Variants in SCAI observed in about 807,000 individuals in gnomAD.
SCAI encodes the protein suppressor of cancer cell invasion.
Under a neutral mutation model 92.2 loss-of-function variants are expected in SCAI, and 24 were observed. That is an observed-to-expected ratio of 0.26 (90% CI 0.19 to 0.37). SCAI has a LOEUF of 0.37. SCAI is among the 10% of genes least tolerant of loss of function. The pLI is 1.00. For synonymous variants in SCAI, 261 were observed against 258.6 expected (o/e 1.01, Z -0.09); for missense variants, 450 against 736.2 (o/e 0.61, Z 4.50).
intron 6 of SCAI, among the ~76,000 whole-genome samples, chr9:125,021,166 A>G (rs1832863383): frequency 6.6e-6 from 1 of 152,236 alleles, no homozygotes; most frequent in Admixed American, 6.5e-5. Context: ...TTGTGCCCAC[A>G]GGACTAGATC....
In SCAI at chr9:125,059,402, C is replaced by T. The variant is rs1016649019; in HGVS notation, c.99-3395G>A. On this transcript the variant is annotated intron_variant, in intron 2 of 17. Transcript: ENST00000336505. ...GATGTTATTGAGACAACTGGTAAGG[C>T]CTGAATGGGGTCTAAGGACTAGACA... is the stretch of plus-strand genomic sequence containing the variant. Among the ~76,000 whole-genome samples the T allele has an allele frequency of 5.9e-5, 9 of 152,124 alleles. No individual in the cohort carries two copies. The East Asian group carries it at 1.5e-3, about 26-fold the overall frequency.
intron 2 of SCAI, among the ~76,000 whole-genome samples, chr9:125,076,697 AT>A (rs1013848520): frequency 6.6e-6 from 1 of 151,138 alleles, no homozygotes; most frequent in Non-Finnish European, 1.5e-5. Context: ...GCGAAACACC[AT>A]TTTTCCTTTC....
intron 3 of SCAI, among the ~76,000 whole-genome samples, chr9:125,049,932 T>C (rs1045330192): frequency 1.3e-5 from 2 of 152,198 alleles, no homozygotes; most frequent in African/African-American, 2.4e-5. Flanking sequence ...ACAAGTCACA[T>C]GGATGTATTC....
intron 2 of SCAI, among the ~76,000 whole-genome samples, chr9:125,117,712 T>G (rs925669967): frequency 2.0e-5 from 3 of 151,546 alleles, no homozygotes; most frequent in African/African-American, 7.3e-5. Context: ...TTGAAGCATT[T>G]GAAACCAGAA....
intron 2 of SCAI, among the ~76,000 whole-genome samples, chr9:125,098,185 G>T (rs1834604037): frequency 6.6e-6 from 1 of 152,044 alleles, no homozygotes; most frequent in South Asian, 2.1e-4. Flanking sequence ...CTCCTCAGTA[G>T]CTGGGACTAC....
At chr9:124,954,855 C>G (rs1368581183) in intron 17 of SCAI, among the ~76,000 whole-genome samples, 1 of 151,988 alleles carries the variant, frequency 6.6e-6, no homozygotes, top group Non-Finnish European at 1.5e-5. Flanking sequence ...ATAAATAAGT[C>G]ATATAATATG....
chr9:125,125,959 C>T (rs886144390), intron 2 of SCAI, among the ~76,000 whole-genome samples: 1 of 148,914 alleles, frequency 6.7e-6, no homozygotes, highest in African/African-American at 2.5e-5. Context: ...CATTCTCTCT[C>T]TTTGTCCATC....
intron 2 of SCAI, among the ~76,000 whole-genome samples, chr9:125,056,369 G>A (rs371004454): frequency 6.6e-5 from 10 of 152,258 alleles, no homozygotes; most frequent in African/African-American, 2.4e-4. Context: ...AGGAGGCTGA[G>A]GAAGCAGAAT....
At chr9:125,143,044 C>A (rs1378587915) in intron 1 of SCAI, among the ~76,000 whole-genome samples, 2 of 151,052 alleles carry the variant, frequency 1.3e-5, no homozygotes, top group Non-Finnish European at 3.0e-5. Context: ...CGTTCCCGAC[C>A]GTGCACTGCC....
At chr9:125,039,388 AAAAAAAAAAAAAAAAAG>A (rs1370287452) in intron 3 of SCAI, among the ~76,000 whole-genome samples, 1 of 150,156 alleles carries the variant, frequency 6.7e-6, no homozygotes, top group Non-Finnish European at 1.5e-5. Flanking sequence ...TCCATCTCAA[AAAAAAAAAAAAAAAAAG>A]AAAAGAAAAA....
chr9:124,954,929 G>A (rs1831290755), intron 17 of SCAI, among the ~76,000 whole-genome samples: 1 of 151,898 alleles, frequency 6.6e-6, no homozygotes, highest in Non-Finnish European at 1.5e-5. Flanking sequence ...ACACTGGGAG[G>A]CCAAAGCAGG....
At chr9:125,113,543 CA>C (rs1404496997) in intron 2 of SCAI, among the ~76,000 whole-genome samples, 7 of 151,758 alleles carry the variant, frequency 4.6e-5, no homozygotes, top group African/African-American at 1.7e-4. Flanking sequence ...TTATGAATTT[CA>C]GTTAAAAATT....
chr9:125,076,956 C>G (rs1243056260), intron 2 of SCAI, among the ~76,000 whole-genome samples: 1 of 152,168 alleles, frequency 6.6e-6, no homozygotes, highest in Non-Finnish European at 1.5e-5. Context: ...CCTGCCTTGG[C>G]CTCCCAAAGT....
At chr9:124,981,691 C>A (rs943578081) in intron 14 of SCAI, among the ~76,000 whole-genome samples, 10 of 151,736 alleles carry the variant, frequency 6.6e-5, no homozygotes, top group South Asian at 2.1e-4. Flanking sequence ...GCTCTGTAAC[C>A]CAGGCAGGAG....
intron 2 of SCAI, among the ~76,000 whole-genome samples, chr9:125,083,517 CAAAAAAAA>C (rs560240303): frequency 2.0e-5 from 1 of 49,130 alleles, no homozygotes; most frequent in South Asian, 6.9e-4. Context: ...GACTCCATCT[CAAAAAAAA>C]AAAAAAAAAA....
intron 7 of SCAI, 102 bp downstream of exon 7, chr9:125,020,571 T>C (rs1832851870): frequency 1.7e-6 from 1 of 578,074 alleles, no homozygotes; most frequent in African/African-American, 2.0e-5. Context: ...ATTGTAATTA[T>C]TGATATATCA....
chr9:124,997,355 T>C (rs1483736486), intron 13 of SCAI, among the ~76,000 whole-genome samples: 1 of 152,116 alleles, frequency 6.6e-6, no homozygotes, highest in East Asian at 1.9e-4. Context: ...ATGGGTCCCA[T>C]CCCTAAGGTA....
At chr9:125,106,862 G>A (rs1834812250) in intron 2 of SCAI, among the ~76,000 whole-genome samples, 1 of 80,986 alleles carries the variant, frequency 1.2e-5, no homozygotes, top group African/African-American at 4.8e-5. Flanking sequence ...CACCATGCCT[G>A]GTTAATTTTT....
Position 125,003,204 on chromosome 9 carries a change from G to C in SCAI, c.975C>G (p.Asp325Glu), listed in dbSNP as rs1317122603. The C allele has an allele frequency of 1.2e-6, 2 of 1,612,248 alleles. No homozygotes were observed. The change falls in exon 11 of 18, where the codon GAC becomes GAG. Residue 325 changes from aspartate to glutamate, a missense_variant. Coordinates refer to ENST00000336505, the MANE Select transcript of SCAI (RefSeq NM_001144877.3). ...MNKPGMQESADKPTRRENPHK... is the reference protein window; with the variant it reads ...MNKPGMQESAEKPTRRENPHK... ...GGGGGTTTTCTCGTCTAGTAGGCTT[G>C]TCAGCTGATTCCTATATTTACACAC... is the stretch of plus-strand genomic sequence containing the variant.
Sources: allele counts gnomAD v4.1 joint callset (sites outside exome capture counted in the v4.1 genomes callset), GRCh38; gene constraint gnomAD v4.1.1; transcripts MANE v1.5; gene names NCBI Gene and HGNC (gene_info 2026-07-23, HGNC 2026-07-21).